Variants in VSIG10L observed in about 807,000 individuals in gnomAD.
VSIG10L encodes the protein V-set and immunoglobulin domain-containing protein 10-like.
In VSIG10L, 63 loss-of-function variants were observed where a neutral mutation model predicts 67.3. The ratio of observed to expected loss-of-function variants is 0.94; its 90% CI spans 0.76 to 1.15. The LOEUF is 1.15. Among genes scored for constraint, VSIG10L ranks in the 50% most tolerant of loss-of-function variants. The pLI, the probability that VSIG10L is intolerant of heterozygous loss-of-function variation, is 0.00. For synonymous variants in VSIG10L, 499 were observed against 524.9 expected, an observed-to-expected ratio of 0.95 and a Z score of 0.67; for missense variants, 1,050 against 1,177.5, an observed-to-expected ratio of 0.89 and a Z score of 1.58.
chr19:51,333,510 C>T (rs1162677178), intron 9 of VSIG10L, among the ~76,000 whole-genome samples: 2 of 145,354 alleles, frequency 1.4e-5, no homozygotes, highest in African/African-American at 5.2e-5. Context: ...ACCTGGGCAA[C>T]AAAGTGAGAC....
chr19:51,339,771 G>C, intron 4 of VSIG10L: 2 of 392,270 alleles, frequency 5.1e-6, no homozygotes, highest in South Asian at 7.4e-5. Context: ...CACTCTATTT[G>C]GCTCCTTCCC....
At chr19:51,333,594 T>C (rs1985407583) in intron 9 of VSIG10L, among the ~76,000 whole-genome samples, 197 bp downstream of exon 9, 1 of 151,940 alleles carries the variant, frequency 6.6e-6, no homozygotes, top group Non-Finnish European at 1.5e-5. Context: ...TGGAATTCAC[T>C]CTTATTTTAA....
chr19:51,337,711 C>G (rs1032591171), intron 6 of VSIG10L, among the ~76,000 whole-genome samples, 177 bp from the exon 7 acceptor site: 9 of 142,362 alleles, frequency 6.3e-5, no homozygotes, highest in African/African-American at 2.1e-4. Context: ...GGGCTGGTGA[C>G]CTGGACTCCT....
intron 8 of VSIG10L, 109 bp downstream of exon 8, chr19:51,334,082 T>C: frequency 1.4e-6 from 2 of 1,455,774 alleles, no homozygotes. Context: ...GAGGGCAGGA[T>C]GGATGACCTA....
intron 8 of VSIG10L, 99 bp from the exon 9 acceptor site, chr19:51,334,044 T>A: frequency 1.3e-6 from 2 of 1,508,618 alleles, no homozygotes; most frequent in Non-Finnish European, 1.8e-6. Flanking sequence ...AGGCGGAGCC[T>A]TATGCTGATT....
In VSIG10L at chr19:51,334,424, C is replaced by G. The variant is rs1985434760; in HGVS notation, c.2306-120G>C. On this transcript the variant is annotated intron_variant, in intron 7 of 9. Transcript: ENST00000335624. The stretch of plus-strand genomic sequence containing the variant: ...GTCCGGCCCCCACTGTCCCTCCCCT[C>G]CCAGAACCCAGGAATGTGGGACCCC... 4.0e-6 allele frequency: 3 copies of G among 747,250 alleles called. No homozygotes were observed. In the East Asian group the frequency reaches 8.2e-5, roughly 20 times the overall value. The allele number at this position is 747,250 out of a possible 1,614,324, so 46.3% of individuals were successfully genotyped here.
At chr19:51,333,999 C>T (rs908716363) in intron 8 of VSIG10L, 54 bp from the exon 9 acceptor site, 4 of 1,545,384 alleles carry the variant, frequency 2.6e-6, no homozygotes, top group African/African-American at 2.8e-5. Flanking sequence ...CCCCAACATG[C>T]CAACCCAGCC....
In VSIG10L at chr19:51,341,827, C is replaced by A; in HGVS notation, c.221G>T (p.Gly74Val). The stretch of plus-strand genomic sequence containing the variant: ...AGGAAACCAGCTGGAATCAGAGATT[C>A]CAGCAGAGGCTTTTGAATCCAGGAA... ...DQFLDSKASA[G>V]ISDSSWFPEA... Residue 74 changes from glycine (G) to valine (V), a missense_variant, in exon 2 of 10, where the codon GGA becomes GTA. By Grantham distance (109) the Gly-to-Val change is moderately radical. Around this residue, in one of 3 missense-constraint regions of VSIG10L, gnomAD observed 511 missense variants for 557.9 expected, o/e 0.92. Coordinates refer to ENST00000335624, the MANE Select transcript of VSIG10L (RefSeq NM_001163922.3). The A allele has an allele frequency of 6.4e-7, 1 of 1,551,542 alleles. No homozygotes were observed. Among genetic ancestry groups the A allele is most frequent in the South Asian group, 1.2e-5 (1 of 84,032 alleles).
chr19:51,332,839 T>TA (rs879862050), intron 9 of VSIG10L, among the ~76,000 whole-genome samples, 199 bp from the exon 10 acceptor site: 5 of 151,776 alleles, frequency 3.3e-5, no homozygotes, highest in African/African-American at 4.8e-5. Flanking sequence ...AGTTGTTATT[T>TA]TTTATTTATT....
At position 51,338,990 on chromosome 19, in the gene VSIG10L, C is replaced by T. The variant is rs1048244302; in HGVS notation, c.1627G>A (p.Val543Met). 66 of 1,419,642 alleles carry T rather than the reference C, an allele frequency of 4.6e-5. No homozygotes were observed. The highest frequency in any genetic ancestry group is 5.6e-5 in the Non-Finnish European group (61 of 1,081,330). 87.9% of individuals were successfully genotyped at this position (1,419,642 alleles called of 1,614,324 possible). A position where few individuals can be genotyped will look rare whatever the true frequency, so the allele number is the denominator to read the frequency against. The change falls in exon 5 of 10, where the codon GTG (valine) becomes ATG (methionine). Residue 543 changes from valine to methionine, a missense_variant. By Grantham distance (21) the Val-to-Met change is conservative. Transcript: ENST00000335624. ...TGGGCGGGGACGGCCGCCAGCAGCA[C>T]AGAGGACACTGGCCCGGCGCGGATG... ...EGIRAGPVSS[V>M]LLAAVPAHPR...
rs757175251 is a variant in VSIG10L at position 51,334,298 on chromosome 19, G to C, written c.2312C>G (p.Thr771Arg). 1 of 1,551,474 alleles carries C rather than the reference G, an allele frequency of 6.4e-7. No individual in the cohort carries two copies. ...SQSRVYRAGP[T>R]LSHGAIAGIV... The stretch of plus-strand genomic sequence containing the variant: ...GCCAGCGATGGCCCCATGGCTCAAC[G>C]TGGGGCCTGGAAGAGACAAAGAGAA... The change falls in exon 8 of 10, where the codon ACG becomes AGG. Residue 771 changes from threonine to arginine, a missense_variant. This residue lies in a region of VSIG10L where 529 missense variants were observed against 584.9 expected (regional missense o/e 0.90). Coordinates refer to ENST00000335624, the MANE Select transcript of VSIG10L (RefSeq NM_001163922.3).
chr19:51,338,713 C>T (rs1985549458), intron 5 of VSIG10L, among the ~76,000 whole-genome samples, 175 bp downstream of exon 5: 1 of 152,180 alleles, frequency 6.6e-6, no homozygotes, highest in Non-Finnish European at 1.5e-5. Flanking sequence ...TCCCTGCACC[C>T]CGCCACCATG....
Position 51,337,481 on chromosome 19 carries a change from T to G in VSIG10L, c.2062A>C (p.Thr688Pro). The G allele has an allele frequency of 6.5e-7, 1 of 1,549,926 alleles. No homozygotes were observed. Among genetic ancestry groups the G allele is most frequent in the Non-Finnish European group, 8.7e-7 (1 of 1,145,850 alleles). Residue 688 changes from threonine (T) to proline (P), a missense_variant, in exon 7 of 10, where the codon ACT (threonine) becomes CCT (proline). Physicochemically the swap from Thr to Pro is conservative, Grantham distance 38. This residue lies in a region of VSIG10L where 529 missense variants were observed against 584.9 expected (regional missense o/e 0.90). Transcript: ENST00000335624. ...AGGGCCCCGCGCTCCACATCCCAAG[T>G]CAGCACGGCTGCATCTCTGGCTCTC... ...LQRARDAAVL[T>P]WDVERGALIS...
chr19:51,334,121 T>C (rs1276552246), intron 8 of VSIG10L, 70 bp downstream of exon 8: 7 of 1,513,170 alleles, frequency 4.6e-6, no homozygotes, highest in Non-Finnish European at 6.3e-6. Context: ...CAGCCAGGTC[T>C]TCCATAGGCC....
chr19:51,336,593 G>A (rs764200590), intron 7 of VSIG10L, among the ~76,000 whole-genome samples: 1 of 151,840 alleles, frequency 6.6e-6, no homozygotes, highest in Non-Finnish European at 1.5e-5. Context: ...AAGAAGAAGA[G>A]ACACACACAC....
rs768452368 is a variant in VSIG10L, at chr19:51,331,936, G to C, written c.*675C>G. The C allele has an allele frequency of 1.3e-5, 2 of 152,522 alleles. No individual in the cohort carries two copies. Among genetic ancestry groups the C allele is most frequent in the African/African-American group, 4.8e-5 (2 of 41,442 alleles). The allele number at this position is 152,522 out of a possible 1,614,324, so 9.4% of individuals were successfully genotyped here. Reference sequence around the variant, plus strand: ...GATGGTAACTGCTACTCTTAGACTTGAGAAATGAATGACATATGGGAAAAA... The same window carrying C: ...GATGGTAACTGCTACTCTTAGACTTCAGAAATGAATGACATATGGGAAAAA... On this transcript the variant is annotated 3_prime_UTR_variant, in exon 10 of 10. Transcript: ENST00000335624.
intron 7 of VSIG10L, 34 bp from the exon 8 acceptor site, chr19:51,334,338 A>G: frequency 6.5e-7 from 1 of 1,540,318 alleles, no homozygotes; most frequent in Non-Finnish European, 8.8e-7. Flanking sequence ...GAGAAGGGGA[A>G]CAGGAACCAA....
intron 4 of VSIG10L, chr19:51,339,774 T>A: frequency 2.5e-6 from 1 of 407,816 alleles, no homozygotes; most frequent in African/African-American, 2.1e-5. Flanking sequence ...TCTATTTGGC[T>A]CCTTCCCTTA....
rs2123554354 is a variant in VSIG10L at position 51,338,068 on chromosome 19, C to A, written c.1870G>T (p.Gly624Cys). 1 of 1,551,634 alleles carries A rather than the reference C, an allele frequency of 6.4e-7. No homozygotes were observed. Among genetic ancestry groups the A allele is most frequent in the East Asian group, 2.4e-5 (1 of 40,912 alleles). Residue 624 changes from glycine (G) to cysteine (C), a missense_variant, in exon 6 of 10, where the codon GGC (glycine) becomes TGC (cysteine). Gly to Cys is a radical substitution (Grantham distance 159, BLOSUM62 -3). Transcript: ENST00000335624. Reference protein sequence around the residue: ...AREGRPLAPGGGSRLRLSQDG... With the variant: ...AREGRPLAPGCGSRLRLSQDG... ...TGACTGAGCCGCAGGCGACTCCCGC[C>A]TCCTGGAGCCAGGGGCCTCCCTTCC...
Sources: gnomAD v4.1 joint callset for allele counts (sites outside exome capture counted in the v4.1 genomes callset) on GRCh38, gnomAD v4.1.1 for gene constraint, gnomAD v4.1.1 regional missense constraint, MANE v1.5 for transcripts, NCBI Gene and HGNC (gene_info 2026-07-23, HGNC 2026-07-21) for gene names.